NSD3: variants seen among roughly 807,000 people sequenced by gnomAD.
NSD3 encodes histone-lysine N-methyltransferase NSD3.
NSD3 carries 24 observed loss-of-function variants against 160.8 expected under a neutral mutation model. That is an observed-to-expected ratio of 0.15 (90% CI 0.11 to 0.21). The LOEUF (loss-of-function observed/expected upper bound fraction) is 0.21, where lower values mean the gene tolerates loss of function less well. Ranked by LOEUF, NSD3 falls within the 10% of genes least tolerant of loss-of-function variation. NSD3 has a pLI of 1.00. For missense variants in NSD3, 1,157 were observed against 1,735.9 expected (o/e 0.67, Z 5.93); for synonymous variants, 520 against 600.0 (o/e 0.87, Z 1.95).
intron 12 of NSD3, among the ~76,000 whole-genome samples, chr8:38,312,023 C>A (rs1173620347): frequency 2.0e-5 from 3 of 152,212 alleles, no homozygotes; most frequent in Admixed American, 2.0e-4. Flanking sequence ...TCCAACTCTT[C>A]CAGCATCATT....
intron 10 of NSD3, 49 bp downstream of exon 10, chr8:38,315,863 C>T (rs965565843): frequency 1.9e-6 from 3 of 1,571,042 alleles, no homozygotes; most frequent in Non-Finnish European, 2.6e-6. Flanking sequence ...AAGGGAAAAG[C>T]ATTATGTTCA....
chr8:38,336,152 G>T (rs1810210299), intron 4 of NSD3: 1 of 152,236 alleles, frequency 6.6e-6, no homozygotes, highest in Non-Finnish European at 1.5e-5. Context: ...CAAGGACCAA[G>T]ACAGATGGTT....
chr8:38,279,188 T>C (rs1256688367), intron 21 of NSD3, among the ~76,000 whole-genome samples: 5 of 152,232 alleles, frequency 3.3e-5, no homozygotes, highest in Admixed American at 1.3e-4. Flanking sequence ...TTACTGTTAA[T>C]ATGTTTTAAA....
rs779041190 is a variant in NSD3 at position 38,278,319 on chromosome 8, C to T, written c.3854G>A (p.Gly1285Glu). The T allele has an allele frequency of 2.2e-5, 35 of 1,613,912 alleles. No individual in the cohort carries two copies. In the Admixed American group the frequency reaches 5.8e-4, roughly 27 times the overall value. Residue 1285 changes from glycine (G) to glutamate (E), a missense_variant, in exon 22 of 24, where the codon GGA becomes GAA. Gly to Glu is a moderately conservative substitution (Grantham distance 98, BLOSUM62 -2). Around this residue, in one of 10 missense-constraint regions of NSD3, gnomAD observed 222 missense variants for 409.9 expected, o/e 0.54. Transcript: ENST00000317025. ...CGADNCSGFL[G>E]VRPKSACAST... Reference sequence around the variant, plus strand: ...TGCAAGACTGACCTTTGGCCGCACTCCTAGAAAACCACTGCAGTTATCTGC... The same window carrying T: ...TGCAAGACTGACCTTTGGCCGCACTTCTAGAAAACCACTGCAGTTATCTGC...
At chr8:38,278,258 C>T (rs1260221864) in intron 22 of NSD3, 48 bp downstream of exon 22, 1 of 1,564,014 alleles carries the variant, frequency 6.4e-7, no homozygotes, top group African/African-American at 1.4e-5. Flanking sequence ...CTTAACAGCC[C>T]TACTCCTTAT....
chr8:38,311,276 T>C (rs1809529717), intron 12 of NSD3, among the ~76,000 whole-genome samples: 1 of 152,170 alleles, frequency 6.6e-6, no homozygotes, highest in Non-Finnish European at 1.5e-5. Context: ...GCCTATCTTC[T>C]TTGGAGAACT....
At position 38,305,310 on chromosome 8, in the gene NSD3, C is replaced by T. The variant is rs754800291; in HGVS notation, c.2378G>A (p.Arg793His). 1.8e-5 allele frequency: 29 copies of T among 1,614,056 alleles called. No individual in the cohort carries two copies. In the East Asian group the frequency reaches 2.9e-4, roughly 16 times the overall value. Residue 793 changes from arginine (R) to histidine (H), a missense_variant, in exon 13 of 24, where the codon CGC (arginine) becomes CAC (histidine). Physicochemically the swap from Arg to His is conservative, Grantham distance 29. Transcript: ENST00000317025. ...GGCAGAGCAGCAGTGCTGAGGACAG[C>T]GGAATCCTTTTGATTCAAAGATGGC... ...PTAIFESKGF[R>H]CPQHCCSACS...
At chr8:38,347,442 A>T in intron 2 of NSD3, 55 bp downstream of exon 2, 1 of 1,519,104 alleles carries the variant, frequency 6.6e-7, no homozygotes, top group Non-Finnish European at 8.8e-7. Flanking sequence ...GATCTCTTGA[A>T]CTTCCAGTAA....
intron 17 of NSD3, 152 bp from the exon 18 acceptor site, chr8:38,289,657 G>T: frequency 1.5e-6 from 1 of 685,698 alleles, no homozygotes; most frequent in Non-Finnish European, 2.4e-6. Flanking sequence ...TTACCACCAG[G>T]ATGGGGTAAC....
Position 38,325,670 on chromosome 8 carries a change from G to C in NSD3, c.1708+1060C>G, listed in dbSNP as rs1173465348. Among the ~76,000 whole-genome samples, 4 of 151,990 alleles carry C rather than the reference G, an allele frequency of 2.6e-5. No individual in the cohort carries two copies. In the East Asian group the frequency reaches 7.7e-4, roughly 29 times the overall value. ...GTAGATCGCTTGAATCCAGGGGTTC[G>C]AGACCAGCCTGGGCAACATGGCAAA... On this transcript the variant is annotated intron_variant, in intron 7 of 23. Coordinates refer to ENST00000317025, the MANE Select transcript of NSD3 (RefSeq NM_023034.2).
At chr8:38,363,639 CAAAAAAAAAAAAAA>C (rs768805402) in intron 1 of NSD3, among the ~76,000 whole-genome samples, 3 of 48,710 alleles carry the variant, frequency 6.2e-5, no homozygotes, top group African/African-American at 2.4e-4. Flanking sequence ...GACTCCGTCT[CAAAAAAAAAAAAAA>C]AAAAAAAAAA....
chr8:38,350,149 T>G (rs1022716684), intron 1 of NSD3, among the ~76,000 whole-genome samples: 2 of 152,236 alleles, frequency 1.3e-5, no homozygotes, highest in Non-Finnish European at 2.9e-5. Flanking sequence ...TAAACATATG[T>G]GTGCGTGTGT....
intron 1 of NSD3, among the ~76,000 whole-genome samples, chr8:38,362,942 A>T (rs1198364427): frequency 6.6e-6 from 1 of 152,176 alleles, no homozygotes; most frequent in Non-Finnish European, 1.5e-5. Flanking sequence ...ACATAAAATC[A>T]ATTTATTTTG....
At chr8:38,312,723 C>T (rs1027833359) in intron 12 of NSD3, among the ~76,000 whole-genome samples, 16 of 152,162 alleles carry the variant, frequency 1.1e-4, no homozygotes, top group African/African-American at 3.9e-4. Flanking sequence ...CCCACTTTGC[C>T]TTCTGCCATG....
chr8:38,276,449 G>A lies in NSD3; in HGVS notation c.3919C>T (p.Gln1307Ter). 6.2e-7 allele frequency: 1 copy of A among 1,614,202 alleles called. No homozygotes were observed. The highest frequency in any genetic ancestry group is 8.5e-7 in the Non-Finnish European group (1 of 1,180,036). Residue 1307 changes from glutamine (Q) to a stop codon, truncating the protein, a stop_gained, in exon 23 of 24, where the codon CAG (glutamine) becomes TAG (stop). Coordinates refer to ENST00000317025, the MANE Select transcript of NSD3 (RefSeq NM_023034.2). LOFTEE classifies it high-confidence loss of function. ...EEKAKNAKLK[Q>*]KRRKIKTEPK... ...TCTGTTTTGATCTTTCGTCTCTTCT[G>A]TTTTAACTTAGCATTTTTTGCCTTC...
At chr8:38,283,734 G>C (rs975071860) in intron 19 of NSD3, among the ~76,000 whole-genome samples, 15 of 152,126 alleles carry the variant, frequency 9.9e-5, no homozygotes, top group Non-Finnish European at 1.5e-4. Context: ...CTGCGGAGCA[G>C]TCACTACCAA....
At chr8:38,325,228 A>C (rs1393058930) in intron 7 of NSD3, among the ~76,000 whole-genome samples, 1 of 152,222 alleles carries the variant, frequency 6.6e-6, no homozygotes, top group Non-Finnish European at 1.5e-5. Flanking sequence ...AACACCAGGG[A>C]GATAGTGTGA....
At chr8:38,313,787 C>CAA (rs547027189) in intron 12 of NSD3, among the ~76,000 whole-genome samples, 68 of 65,356 alleles carry the variant, frequency 1.0e-3, no homozygotes, top group African/African-American at 2.5e-3. Flanking sequence ...GACTCTGTCT[C>CAA]AAAAAAAAAA....
At chr8:38,343,853 G>A (rs1454025456) in intron 2 of NSD3, among the ~76,000 whole-genome samples, 1 of 152,178 alleles carries the variant, frequency 6.6e-6, no homozygotes, top group Non-Finnish European at 1.5e-5. Flanking sequence ...CAGCCACTCT[G>A]CTTTTTATAA....
Sources: gnomAD v4.1 joint callset for allele counts (sites outside exome capture counted in the v4.1 genomes callset) on GRCh38, gnomAD v4.1.1 for gene constraint, gnomAD v4.1.1 regional missense constraint, MANE v1.5 for transcripts, NCBI Gene and HGNC (gene_info 2026-07-23, HGNC 2026-07-21) for gene names.